The following KDM5A variants were observed in gnomAD, a reference collection of about 807,000 sequenced individuals.
The protein encoded by KDM5A is lysine-specific demethylase 5A.
KDM5A carries 42 observed loss-of-function variants against 193.5 expected under a neutral mutation model. The observed-to-expected ratio is 0.22, with a 90% CI of 0.17 to 0.28. The LOEUF is 0.28. KDM5A is among the 10% of genes least tolerant of loss of function. The probability of loss-of-function intolerance (pLI) is 1.00; values close to 1 mark genes in which losing one functional copy is unlikely to be tolerated. For synonymous variants in KDM5A, 796 were observed against 718.1 expected, an observed-to-expected ratio of 1.11 and a Z score of -1.73; for missense variants, 1,692 against 2,055.1, an observed-to-expected ratio of 0.82 and a Z score of 3.42.
chr12:370,366 C>A (rs961515185), intron 3 of KDM5A, among the ~76,000 whole-genome samples: 6 of 152,160 alleles, frequency 3.9e-5, no homozygotes, highest in Non-Finnish European at 5.9e-5. Context: ...TCATTCCAGC[C>A]TGGGCAACAC....
At chr12:333,298 A>G in intron 12 of KDM5A, 189 bp downstream of exon 12, 2 of 642,012 alleles carry the variant, frequency 3.1e-6, no homozygotes, top group East Asian at 2.8e-5. Flanking sequence ...GTGCTCCTAT[A>G]GTCCCAGCTA....
intron 10 of KDM5A, among the ~76,000 whole-genome samples, chr12:337,070 G>C (rs111425542): frequency 1.3e-5 from 2 of 152,260 alleles, no homozygotes; most frequent in African/African-American, 2.4e-5. Flanking sequence ...CCCCCTTGCT[G>C]TTCTCACAAT....
intron 10 of KDM5A, among the ~76,000 whole-genome samples, chr12:349,601 T>A (rs1944124915): frequency 6.6e-6 from 1 of 152,006 alleles, no homozygotes; most frequent in South Asian, 2.1e-4. Flanking sequence ...GTGCTGGGAT[T>A]ACAGGCGTGA....
intron 14 of KDM5A, among the ~76,000 whole-genome samples, chr12:324,399 C>A (rs1196585803): frequency 6.6e-6 from 1 of 152,016 alleles, no homozygotes; most frequent in African/African-American, 2.4e-5. Context: ...CGGCTATACA[C>A]CAAAAGTTCC....
intron 19 of KDM5A, among the ~76,000 whole-genome samples, chr12:316,805 G>C (rs1943655762): frequency 6.6e-6 from 1 of 152,162 alleles, no homozygotes; most frequent in African/African-American, 2.4e-5. Context: ...AGTGTACACA[G>C]AGGCTTCTCA....
At chr12:384,213 G>A in intron 2 of KDM5A, 60 bp from the exon 3 acceptor site, 2 of 1,336,490 alleles carry the variant, frequency 1.5e-6, no homozygotes, top group East Asian at 2.3e-5. Context: ...GAATAACAGA[G>A]CAGGGGTCCC....
Position 338,552 on chromosome 12 carries a change from T to C in KDM5A, c.1309-4130A>G, listed in dbSNP as rs567670552. Among the ~76,000 whole-genome samples, 4 of 152,310 alleles carry C rather than the reference T, an allele frequency of 2.6e-5. No individual in the cohort carries two copies. The South Asian group carries it at 8.3e-4, about 32-fold the overall frequency. The stretch of plus-strand genomic sequence containing the variant: ...GCTGATTTTGTTTGAATTATTTCAC[T>C]GTAATAAATCATAAGCATGAGTCCT... On this transcript the variant is annotated intron_variant, in intron 10 of 27. Transcript: ENST00000399788.
chr12:369,098 A>G (rs1193925986), intron 3 of KDM5A, among the ~76,000 whole-genome samples: 1 of 152,252 alleles, frequency 6.6e-6, no homozygotes, highest in Admixed American at 6.5e-5. Context: ...ACAAATTCAT[A>G]TGCACAAGAG....
intron 14 of KDM5A, among the ~76,000 whole-genome samples, chr12:324,298 T>TA (rs1274793983): frequency 1.3e-5 from 2 of 150,628 alleles, no homozygotes; most frequent in Admixed American, 6.6e-5. Context: ...ACCCTGTCTC[T>TA]AAAAAAAAAG....
At chr12:298,382 T>A (rs1223499396) in intron 24 of KDM5A, among the ~76,000 whole-genome samples, 1 of 152,240 alleles carries the variant, frequency 6.6e-6, no homozygotes, top group African/African-American at 2.4e-5. Flanking sequence ...CTGCAGCCTC[T>A]GCTGGCGATA....
rs900322269 is a variant in KDM5A, at chr12:291,991, C to T, written c.4866+768G>A. On this transcript the variant is annotated intron_variant, in intron 27 of 27. Transcript: ENST00000399788. ...CATCCTGGCTTACTCCAACCTCTGC[C>T]TCCTGGGTTCAAGCGATTCCCCTGC... Among the ~76,000 whole-genome samples the T allele has an allele frequency of 1.6e-4, 24 of 151,694 alleles. No homozygotes were observed. In the East Asian group the frequency reaches 3.1e-3, roughly 20 times the overall value.
chr12:354,175 C>A lies in KDM5A; in HGVS notation c.930G>T (p.Leu310Phe). 6.2e-7 allele frequency: 1 copy of A among 1,612,022 alleles called. No individual in the cohort carries two copies. Among genetic ancestry groups the A allele is most frequent in the Non-Finnish European group, 8.5e-7 (1 of 1,178,342 alleles). ...GRGNNEDKLL[L>F]CDGCDDSYHT... is the part of the protein sequence containing the mutation. ...GATAGCTGTCATCACATCCATCACA[C>A]AAAAGCAATTTATCTTCATTGTTTC... The change falls in exon 8 of 28, where the codon TTG becomes TTT. Residue 310 changes from leucine to phenylalanine, a missense_variant. This residue lies in a region of KDM5A where 62 missense variants were observed against 107.1 expected (regional missense o/e 0.58). Transcript: ENST00000399788.
chr12:301,905 G>A (rs1943446789), intron 24 of KDM5A, among the ~76,000 whole-genome samples: 1 of 152,120 alleles, frequency 6.6e-6, no homozygotes, highest in Admixed American at 6.5e-5. Flanking sequence ...CAAATCATGA[G>A]TGAACTCCCA....
chr12:323,143 G>C lies in KDM5A; in HGVS notation c.2214C>G (p.Ser738=), dbSNP rs1270479829. 3 of 1,484,426 alleles carry C rather than the reference G, an allele frequency of 2.0e-6. No individual in the cohort carries two copies. In the African/African-American group the frequency reaches 4.7e-5, roughly 23 times the overall value. The allele number at this position is 1,484,426 out of a possible 1,614,324, so 92.0% of individuals were successfully genotyped here. A position where few individuals can be genotyped will look rare whatever the true frequency, so the allele number is the denominator to read the frequency against. Residue 738 remains serine, a synonymous_variant, in exon 16 of 28, where the codon TCC becomes TCG. Coordinates refer to ENST00000399788, the MANE Select transcript of KDM5A (RefSeq NM_001042603.3). ...LLYGVKVRAQ[S]YDTWVSRVTE... is the part of the protein sequence containing the mutation. ...TAACACGACTGACCCAAGTGTCATA[G>C]GACTGTGCCCTGACTTTTACACCAT...
At chr12:374,292 T>C (rs956932523) in intron 3 of KDM5A, among the ~76,000 whole-genome samples, 9 of 152,214 alleles carry the variant, frequency 5.9e-5, no homozygotes, top group African/African-American at 2.2e-4. Flanking sequence ...ATATTTAGGA[T>C]AGTTAGCTCT....
intron 27 of KDM5A, among the ~76,000 whole-genome samples, chr12:289,944 A>G (rs1464874879): frequency 9.6e-6 from 1 of 104,666 alleles, no homozygotes; most frequent in Non-Finnish European, 1.8e-5. Context: ...TCATCTTGCC[A>G]ATCTTTTTCT....
chr12:352,397 A>G (rs1944174484), intron 8 of KDM5A, 73 bp from the exon 9 acceptor site: 6 of 1,356,512 alleles, frequency 4.4e-6, no homozygotes, highest in Non-Finnish European at 6.3e-6. Flanking sequence ...CTTAGTTACT[A>G]AATTCTTTGA....
At chr12:312,099 T>C (rs902506829) in intron 20 of KDM5A, among the ~76,000 whole-genome samples, 6 of 152,188 alleles carry the variant, frequency 3.9e-5, no homozygotes, top group African/African-American at 1.4e-4. Context: ...GGAAGTTGGT[T>C]TTCTTTTTGA....
At chr12:383,325 C>T (rs1944598113) in intron 3 of KDM5A, among the ~76,000 whole-genome samples, 2 of 152,016 alleles carry the variant, frequency 1.3e-5, no homozygotes, top group African/African-American at 2.4e-5. Flanking sequence ...TGTGATCCTC[C>T]CACCTTAGCC....
Sources: allele counts gnomAD v4.1 joint callset (sites outside exome capture counted in the v4.1 genomes callset), GRCh38; gene constraint gnomAD v4.1.1; regional missense constraint gnomAD v4.1.1; transcripts MANE v1.5; gene names NCBI Gene and HGNC (gene_info 2026-07-23, HGNC 2026-07-21).